The following SLC22A4 variants were observed in gnomAD, a reference collection of about 807,000 sequenced individuals.
SLC22A4 encodes ET transporter.
In SLC22A4, 39 loss-of-function variants were observed where a neutral mutation model predicts 56.6. That is an observed-to-expected ratio of 0.69 (90% CI 0.53 to 0.90). The LOEUF (loss-of-function observed/expected upper bound fraction) is 0.90. SLC22A4 is among the 40% of genes least tolerant of loss of function. The probability of loss-of-function intolerance (pLI) is 0.00; values close to 1 mark genes in which losing one functional copy is unlikely to be tolerated. For missense variants in SLC22A4, 594 were observed against 696.5 expected (o/e 0.85, Z 1.66); for synonymous variants, 241 against 281.4 (o/e 0.86, Z 1.44).
intron 3 of SLC22A4, among the ~76,000 whole-genome samples, chr5:132,315,707 C>T (rs2126715195): frequency 6.6e-6 from 1 of 152,320 alleles, no homozygotes; most frequent in South Asian, 2.1e-4. Flanking sequence ...CTGGGTGCAG[C>T]AGCCTCGCTA....
intron 1 of SLC22A4, chr5:132,311,149 T>C (rs1750169622): frequency 6.6e-6 from 1 of 152,190 alleles, no homozygotes; most frequent in Non-Finnish European, 1.5e-5. Context: ...AAGGAATTGT[T>C]TGGCGAATGC....
At chr5:132,322,454 C>T in intron 4 of SLC22A4, 99 bp downstream of exon 4, 1 of 1,219,252 alleles carries the variant, frequency 8.2e-7, no homozygotes, top group Non-Finnish European at 1.2e-6. Flanking sequence ...CTTGCATGAC[C>T]TCCACGGAAC....
At chr5:132,338,832 A>G (rs1350655752) in intron 8 of SLC22A4, among the ~76,000 whole-genome samples, 1 of 152,212 alleles carries the variant, frequency 6.6e-6, no homozygotes, top group Non-Finnish European at 1.5e-5. Flanking sequence ...TCAAACACAC[A>G]TGCTCTACAA....
chr5:132,316,698 T>A (rs955373325), intron 3 of SLC22A4, among the ~76,000 whole-genome samples: 1 of 152,218 alleles, frequency 6.6e-6, no homozygotes, highest in South Asian at 2.1e-4. Flanking sequence ...CTCCTTTTGA[T>A]AGGTGTGTAA....
chr5:132,294,783 CGAACCT>C lies in SLC22A4; in HGVS notation c.170_175del (p.Asn57_Leu58del). 6.2e-7 allele frequency: 1 copy of C among 1,613,362 alleles called. No individual in the cohort carries two copies. The highest frequency in any genetic ancestry group is 8.5e-7 in the Non-Finnish European group (1 of 1,180,018). On this transcript the variant is annotated inframe_deletion, in exon 1 of 10. Transcript: ENST00000200652. This position sits in a 1 kb window ranked among gnomAD's most constrained non-coding sequence, Gnocchi z 5.6. ...CACCGCTGTCGAGTGCCGGACGCCG[CGAACCT>C]GAGCAGCGCCTGGCGCAACAACAGT...
chr5:132,295,113 C>A, intron 1 of SLC22A4, 104 bp downstream of exon 1: 1 of 1,252,272 alleles, frequency 8.0e-7, no homozygotes, highest in Non-Finnish European at 1.1e-6. Context: ...CGCTCCCCTC[C>A]CCCTCAAACC....
intron 5 of SLC22A4, among the ~76,000 whole-genome samples, chr5:132,329,737 C>T (rs548645109): frequency 1.3e-5 from 2 of 152,324 alleles, no homozygotes; most frequent in South Asian, 4.1e-4. Context: ...GCTTCTGGTA[C>T]CTGATCCAAA....
At chr5:132,334,328 TA>T (rs1750953487) in intron 6 of SLC22A4, among the ~76,000 whole-genome samples, 1 of 152,242 alleles carries the variant, frequency 6.6e-6, no homozygotes, top group Non-Finnish European at 1.5e-5. Context: ...TTTCTTCATA[TA>T]ATAGCTCTAA....
At chr5:132,314,952 G>A (rs972510883) in intron 3 of SLC22A4, among the ~76,000 whole-genome samples, 4 of 152,170 alleles carry the variant, frequency 2.6e-5, no homozygotes, top group South Asian at 2.1e-4. Context: ...AGGCCCCAGC[G>A]GGAGGAGGCT....
rs913778897 is a variant in SLC22A4 at position 132,300,315 on chromosome 5, T to G, written c.393+5306T>G. Among the ~76,000 whole-genome samples, 14 of 152,220 alleles carry G rather than the reference T, an allele frequency of 9.2e-5. No homozygotes were observed. In the South Asian group the frequency reaches 2.9e-3, roughly 31 times the overall value. The stretch of plus-strand genomic sequence containing the variant: ...TCTCTGCTGTAAAGGTACTATTTTT[T>G]CCTCTGTCACTAATAAATATCTTAA... On this transcript the variant is annotated intron_variant, in intron 1 of 9. Coordinates refer to ENST00000200652, the MANE Select transcript of SLC22A4 (RefSeq NM_003059.3).
intron 8 of SLC22A4, among the ~76,000 whole-genome samples, chr5:132,338,769 T>C (rs1309268438): frequency 6.6e-6 from 1 of 152,258 alleles, no homozygotes; most frequent in Non-Finnish European, 1.5e-5. Context: ...TCTTGTTCCC[T>C]GAACATTGCT....
chr5:132,313,883 T>C, intron 3 of SLC22A4, 115 bp downstream of exon 3: 2 of 1,163,934 alleles, frequency 1.7e-6, no homozygotes, highest in Non-Finnish European at 2.5e-6. Flanking sequence ...TATATGTGTC[T>C]TGGGAGGGAG....
intron 4 of SLC22A4, 133 bp downstream of exon 4, chr5:132,322,488 G>A (rs1750575419): frequency 1.0e-5 from 9 of 862,358 alleles, no homozygotes; most frequent in South Asian, 4.2e-5. Context: ...CTTCCAAGCC[G>A]GGAGAGTTTT....
Position 132,336,013 on chromosome 5 carries a change from T to A in SLC22A4, c.1444+13T>A. 1 of 1,611,630 alleles carries A rather than the reference T, an allele frequency of 6.2e-7. No individual in the cohort carries two copies. Among genetic ancestry groups the A allele is most frequent in the Non-Finnish European group, 8.5e-7 (1 of 1,177,690 alleles). ...TTTGTTTACCTCGGTGAGCTGCATC[T>A]TGTGCATTTGTTCTTCCTTTAAATT... On this transcript the variant is annotated intron_variant, in intron 8 of 9. Coordinates refer to ENST00000200652, the MANE Select transcript of SLC22A4 (RefSeq NM_003059.3).
rs1392862309 is a variant in SLC22A4, at chr5:132,294,473, C to G, written c.-144C>G. On this transcript the variant is annotated 5_prime_UTR_variant, in exon 1 of 10. Transcript: ENST00000200652. The surrounding 1 kb of genome is among the most constrained non-coding windows in gnomAD (Gnocchi z 5.6). ...TCAGCCTGTTTCCCAGGAACGGTCCCCGGCTTCGCGCCCCAATTTCTAACA... is the reference window on the plus strand; with the variant it reads ...TCAGCCTGTTTCCCAGGAACGGTCCGCGGCTTCGCGCCCCAATTTCTAACA... 4.2e-6 allele frequency: 5 copies of G among 1,190,548 alleles called. No homozygotes were observed. Among genetic ancestry groups the G allele is most frequent in the Non-Finnish European group, 6.0e-6 (5 of 839,300 alleles). The allele number at this position is 1,190,548 out of a possible 1,614,324, so 73.7% of individuals were successfully genotyped here.
At chr5:132,301,670 G>A (rs1580819573) in intron 1 of SLC22A4, among the ~76,000 whole-genome samples, 1 of 152,344 alleles carries the variant, frequency 6.6e-6, no homozygotes, top group East Asian at 1.9e-4. Flanking sequence ...GGCACTGAGA[G>A]CAGCAAGCAA....
At chr5:132,324,573 C>A (rs1750635723) in intron 4 of SLC22A4, 1 of 471,076 alleles carries the variant, frequency 2.1e-6, no homozygotes, top group Non-Finnish European at 4.4e-6. Flanking sequence ...TCCCCCTGAA[C>A]ATTTACCAGT....
At chr5:132,302,894 C>A (rs919298040) in intron 1 of SLC22A4, among the ~76,000 whole-genome samples, 7 of 152,178 alleles carry the variant, frequency 4.6e-5, no homozygotes, top group African/African-American at 1.7e-4. Flanking sequence ...TGAGGCTTTT[C>A]CATCTGTGGT....
At chr5:132,335,764 TAAGA>T in intron 7 of SLC22A4, 50 bp from the exon 8 acceptor site, 1 of 1,416,518 alleles carries the variant, frequency 7.1e-7, no homozygotes, top group South Asian at 1.2e-5. Context: ...ATAACTGATA[TAAGA>T]AAGTATCACT....
Sources: allele counts gnomAD v4.1 joint callset (sites outside exome capture counted in the v4.1 genomes callset), GRCh38; gene constraint gnomAD v4.1.1; non-coding constraint Gnocchi (gnomAD v3.1); transcripts MANE v1.5; gene names NCBI Gene and HGNC (gene_info 2026-07-23, HGNC 2026-07-21).